The following DLGAP2 variants were observed in gnomAD, a reference collection of about 807,000 sequenced individuals.
DLGAP2 encodes the protein DLG associated protein 2, also known as disks large-associated protein 2.
In DLGAP2, 26 loss-of-function variants were observed where a neutral mutation model predicts 100.3. The observed-to-expected ratio is 0.26, with a 90% CI of 0.19 to 0.36. DLGAP2 has a LOEUF of 0.36. Ranked by LOEUF, DLGAP2 falls within the 10% of genes least tolerant of loss-of-function variation. DLGAP2 has a pLI of 1.00. For synonymous variants in DLGAP2, 886 were observed against 630.1 expected, an observed-to-expected ratio of 1.41 and a Z score of -6.08; for missense variants, 1,858 against 1,453.2, an observed-to-expected ratio of 1.28 and a Z score of -4.53.
intron 6 of DLGAP2, among the ~76,000 whole-genome samples, chr8:1,583,532 T>C (rs1796016575): frequency 6.6e-6 from 1 of 152,170 alleles, no homozygotes; most frequent in South Asian, 2.1e-4. Context: ...CAGGCTGACA[T>C]CTGATTAAGA....
At position 1,668,663 on chromosome 8, in the gene DLGAP2, C is replaced by T. The variant is rs1236647030; in HGVS notation, c.2145C>T (p.Ser715=). 2 of 1,560,032 alleles carry T rather than the reference C, an allele frequency of 1.3e-6. No individual in the cohort carries two copies. Among genetic ancestry groups the T allele is most frequent in the African/African-American group, 1.4e-5 (1 of 73,554 alleles). ...AGGAGCTCCTCAAGAGCCGCTGCTC[C>T]TCCATCGGGATTCAGGTAGCTGCTC... ...KAEELLKSRC[S]SIGIQDSEFP... is the part of the protein sequence containing the mutation. The change falls in exon 9 of 15, where the codon TCC becomes TCT. Residue 715 remains serine (S), a synonymous_variant. Transcript: ENST00000637795.
chr8:1,284,149 G>T (rs990233963), intron 3 of DLGAP2, among the ~76,000 whole-genome samples: 2 of 152,348 alleles, frequency 1.3e-5, no homozygotes, highest in South Asian at 2.1e-4. Flanking sequence ...CTGCGCGGCT[G>T]TCTCCTGCAG....
intron 2 of DLGAP2, among the ~76,000 whole-genome samples, chr8:1,050,086 T>C (rs924142409): frequency 1.3e-5 from 2 of 152,206 alleles, no homozygotes; most frequent in African/African-American, 4.8e-5. Flanking sequence ...GCACAGGCAG[T>C]CACACACATA....
At chr8:1,298,435 C>T (rs578038815) in intron 3 of DLGAP2, among the ~76,000 whole-genome samples, 50 of 152,154 alleles carry the variant, frequency 3.3e-4, no homozygotes, top group Non-Finnish European at 5.6e-4. Context: ...CAGTGTGACA[C>T]GTTCTGTACT....
intron 3 of DLGAP2, among the ~76,000 whole-genome samples, chr8:1,436,228 A>G (rs1797622269): frequency 6.6e-6 from 1 of 152,232 alleles, no homozygotes; most frequent in South Asian, 2.1e-4. Flanking sequence ...CCGGCAGTGC[A>G]GCCTTCAGTC....
chr8:1,461,095 G>C (rs1379440996), intron 3 of DLGAP2, among the ~76,000 whole-genome samples: 1 of 151,600 alleles, frequency 6.6e-6, no homozygotes, highest in East Asian at 1.9e-4. Flanking sequence ...AGAAGGTGCT[G>C]CTGTCACGTG....
intron 7 of DLGAP2, among the ~76,000 whole-genome samples, chr8:1,629,884 A>G (rs1258690564): frequency 6.6e-6 from 1 of 152,188 alleles, no homozygotes; most frequent in Non-Finnish European, 1.5e-5. Context: ...GGGTAAATGT[A>G]AGCTAAATAT....
At chr8:1,299,313 C>A (rs559707081) in intron 3 of DLGAP2, among the ~76,000 whole-genome samples, 1 of 152,332 alleles carries the variant, frequency 6.6e-6, no homozygotes, top group East Asian at 1.9e-4. Flanking sequence ...TCTGGCCTCC[C>A]TGGATTTTCC....
At chr8:839,943 C>A (rs1796950454) in intron 1 of DLGAP2, among the ~76,000 whole-genome samples, 1 of 151,832 alleles carries the variant, frequency 6.6e-6, no homozygotes, top group African/African-American at 2.4e-5. Flanking sequence ...ACGGTGCACA[C>A]CTGCATGTCT....
At chr8:983,758 G>T (rs893954131) in intron 2 of DLGAP2, among the ~76,000 whole-genome samples, 6 of 152,040 alleles carry the variant, frequency 3.9e-5, no homozygotes, top group African/African-American at 1.4e-4. Flanking sequence ...TCCTTTCACC[G>T]CAGCCTCCCG....
intron 3 of DLGAP2, among the ~76,000 whole-genome samples, chr8:1,336,332 G>C (rs1213097240): frequency 6.6e-6 from 1 of 152,228 alleles, no homozygotes; most frequent in East Asian, 1.9e-4. Flanking sequence ...AAGTGAAGAA[G>C]GGAGAGGGGT....
At chr8:868,389 T>G (rs924853213) in intron 1 of DLGAP2, among the ~76,000 whole-genome samples, 1 of 152,136 alleles carries the variant, frequency 6.6e-6, no homozygotes, top group Non-Finnish European at 1.5e-5. Flanking sequence ...CAGAAGAGGT[T>G]TATCTACAGA....
At chr8:1,493,561 G>A (rs1260724917) in intron 3 of DLGAP2, among the ~76,000 whole-genome samples, 1 of 152,244 alleles carries the variant, frequency 6.6e-6, no homozygotes, top group Non-Finnish European at 1.5e-5. Context: ...GGAGCCGCGA[G>A]GGTCCTGGTG....
chr8:1,337,423 A>C (rs1563091443), intron 3 of DLGAP2, among the ~76,000 whole-genome samples: 2 of 61,804 alleles, frequency 3.2e-5, no homozygotes, highest in East Asian at 7.9e-4. Context: ...GGTGAGGATG[A>C]TGGTGATGGT....
At chr8:849,387 T>A (rs185768276) in intron 1 of DLGAP2, among the ~76,000 whole-genome samples, 2 of 152,364 alleles carry the variant, frequency 1.3e-5, no homozygotes, top group East Asian at 3.9e-4. Context: ...CTGGCAGTGA[T>A]GAATGAACTA....
intron 3 of DLGAP2, among the ~76,000 whole-genome samples, chr8:1,312,969 T>C (rs1170379360): frequency 6.6e-6 from 1 of 152,148 alleles, no homozygotes; most frequent in African/African-American, 2.4e-5. Context: ...AGATAGTGTG[T>C]CTCATTTAAA....
chr8:1,258,863 C>A lies in DLGAP2; in HGVS notation c.86C>A (p.Thr29Lys). 8.1e-7 allele frequency: 1 copy of A among 1,231,718 alleles called. No individual in the cohort carries two copies. The highest frequency in any genetic ancestry group is 1.0e-6 in the Non-Finnish European group (1 of 987,972). The allele number at this position is 1,231,718 out of a possible 1,614,324, so 76.3% of individuals were successfully genotyped here. A position where few individuals can be genotyped will look rare whatever the true frequency, so the allele number is the denominator to read the frequency against. ...TCTCTGTTTTCAGAGTCGCAGTGCA[C>A]GCTCTGCGGGGAGCCGGAAGGTGAG... ...LPDRNTESQC[T>K]LCGEPEEEEA... The change falls in exon 3 of 15, where the codon ACG becomes AAG. Residue 29 changes from threonine (T) to lysine (K), a missense_variant. By Grantham distance (78) the Thr-to-Lys change is moderately conservative. Transcript: ENST00000637795.
chr8:1,392,451 G>A (rs1033430637), intron 3 of DLGAP2, among the ~76,000 whole-genome samples: 15 of 152,328 alleles, frequency 9.8e-5, no homozygotes, highest in African/African-American at 2.9e-4. Flanking sequence ...AGGCAAACCC[G>A]TTCCGCTGAC....
chr8:1,444,866 G>A (rs937496836), intron 3 of DLGAP2, among the ~76,000 whole-genome samples: 4 of 137,930 alleles, frequency 2.9e-5, no homozygotes, highest in South Asian at 4.7e-4. Context: ...TGCAACCACC[G>A]TCTTCCAATT....
Sources: allele counts gnomAD v4.1 joint callset (sites outside exome capture counted in the v4.1 genomes callset), GRCh38; gene constraint gnomAD v4.1.1; transcripts MANE v1.5; gene names NCBI Gene and HGNC (gene_info 2026-07-23, HGNC 2026-07-21).